Variants in GRIN2A observed in about 807,000 individuals in gnomAD.
The protein encoded by GRIN2A is glutamate receptor ionotropic, NMDA 2A.
In GRIN2A, 22 loss-of-function variants were observed where a neutral mutation model predicts 113.4. That is an observed-to-expected ratio of 0.19 (90% confidence interval 0.14 to 0.28). GRIN2A has a LOEUF of 0.28. Among genes scored for constraint, GRIN2A ranks in the 10% least tolerant of loss-of-function variants. GRIN2A has a pLI of 1.00. For missense variants in GRIN2A, 1,502 were observed against 1,887.0 expected (o/e 0.80, Z 3.78); for synonymous variants, 827 against 738.4 (o/e 1.12, Z -1.94).
At chr16:10,037,382 C>G (rs12447252) in intron 2 of GRIN2A, 4 of 152,278 alleles carry the variant, frequency 2.6e-5, no homozygotes, top group Admixed American at 2.6e-4. Flanking sequence ...CGCTTGCATG[C>G]ACTAACAGCC....
chr16:9,933,364 A>G (rs1055887190), intron 3 of GRIN2A, among the ~76,000 whole-genome samples: 3 of 152,144 alleles, frequency 2.0e-5, no homozygotes, highest in Non-Finnish European at 1.5e-5. Context: ...GAGATTATAA[A>G]TAAAGTCCAT....
In GRIN2A at chr16:10,044,022, T is replaced by TATATATATAG. The variant is rs531659457; in HGVS notation, c.415-105472_415-105471insCTATATATAT. 3.3e-3 allele frequency among the ~76,000 whole-genome samples: 359 copies of TATATATATAG among 107,866 alleles called. 1 individual carries two copies. Among genetic ancestry groups the TATATATATAG allele is most frequent in the East Asian group, 0.01 (26 of 2,498 alleles). The allele number at this position is 107,866 out of a possible 152,430, so 70.8% of individuals were successfully genotyped here. On this transcript the variant is annotated intron_variant, in intron 2 of 12. Coordinates refer to ENST00000330684, the MANE Select transcript of GRIN2A (RefSeq NM_001134407.3). ...GTGTGTGTGTGTATATATATATATA[T>TATATATATAG]AGAGAGAGAGAGAGAGAGAGAGAGA...
intron 2 of GRIN2A, among the ~76,000 whole-genome samples, chr16:10,039,039 T>C (rs1007090479): frequency 6.6e-6 from 1 of 152,068 alleles, no homozygotes; most frequent in African/African-American, 2.4e-5. Context: ...CTTTAGCTCT[T>C]TCCCACATCA....
At chr16:10,014,946 T>TA (rs2046575050) in intron 2 of GRIN2A, among the ~76,000 whole-genome samples, 1 of 152,066 alleles carries the variant, frequency 6.6e-6, no homozygotes, top group Non-Finnish European at 1.5e-5. Context: ...AGAAGGTTGT[T>TA]ATAATCATTT....
rs375576947 is a variant in GRIN2A, at chr16:9,978,087, C to A, written c.415-39536G>T. On this transcript the variant is annotated intron_variant, in intron 2 of 12. Transcript: ENST00000330684. ...ACCTTTCTGAGCCTTTTCTTCCATG[C>A]AAAATGAGGCAGTTGGATGTTATAC... Among the ~76,000 whole-genome samples the A allele has an allele frequency of 2.0e-5, 3 of 152,178 alleles. No individual in the cohort carries two copies. In the East Asian group the frequency reaches 5.8e-4, roughly 29 times the overall value.
At chr16:9,979,268 G>C (rs1243919114) in intron 2 of GRIN2A, among the ~76,000 whole-genome samples, 3 of 152,134 alleles carry the variant, frequency 2.0e-5, no homozygotes, top group Non-Finnish European at 4.4e-5. Flanking sequence ...TAAGGAACAA[G>C]GAAGACAGTG....
rs73504616 is a variant in GRIN2A, at chr16:9,937,440, C to A, written c.1007+519G>T. ...TCCATGACGTGCTTATTTCACACTGCACGCCTGTGTCAAAACATCTCATGT... is the reference window on the plus strand; with the variant it reads ...TCCATGACGTGCTTATTTCACACTGAACGCCTGTGTCAAAACATCTCATGT... On this transcript the variant is annotated intron_variant, in intron 3 of 12. Transcript: ENST00000330684. Among the ~76,000 whole-genome samples, 1,405 of 152,246 alleles carry A rather than the reference C, an allele frequency of 9.2e-3. 19 individuals carry two copies. The highest frequency in any genetic ancestry group is 0.032 in the African/African-American group (1,341 of 41,534).
chr16:9,842,951 A>G (rs553861594), intron 5 of GRIN2A, among the ~76,000 whole-genome samples: 11 of 145,134 alleles, frequency 7.6e-5, no homozygotes, highest in Admixed American at 1.4e-4. Context: ...GAAAGAAAGA[A>G]AGAGAGAGAG....
intron 4 of GRIN2A, among the ~76,000 whole-genome samples, chr16:9,863,989 C>G (rs1197284126): frequency 1.3e-5 from 2 of 152,150 alleles, no homozygotes; most frequent in African/African-American, 4.8e-5. Context: ...GAAGGTTAAA[C>G]ACATAACATT....
intron 2 of GRIN2A, among the ~76,000 whole-genome samples, chr16:10,130,807 G>T (rs755828676): frequency 1.5e-4 from 23 of 152,268 alleles, no homozygotes; most frequent in Non-Finnish European, 2.6e-4. Context: ...GACTCAAGCA[G>T]GTCCCCAGGA....
At chr16:9,768,776 A>G (rs746326440) in intron 12 of GRIN2A, 75 bp downstream of exon 12, 35 of 943,998 alleles carry the variant, frequency 3.7e-5, no homozygotes, top group Non-Finnish European at 5.6e-5. Flanking sequence ...TGCAGACCCC[A>G]CTGAGACATC....
chr16:10,124,740 G>C (rs896460670), intron 2 of GRIN2A, among the ~76,000 whole-genome samples: 6 of 152,126 alleles, frequency 3.9e-5, no homozygotes, highest in African/African-American at 1.4e-4. Context: ...ACAGAGCAGA[G>C]GCCCCACTCT....
intron 2 of GRIN2A, among the ~76,000 whole-genome samples, chr16:10,026,610 A>G (rs1321724823): frequency 7.2e-6 from 1 of 139,680 alleles, no homozygotes; most frequent in African/African-American, 3.0e-5. Context: ...AAGAACATGG[A>G]TCTGCTCCAT....
At chr16:9,779,948 T>C (rs1167561424) in intron 11 of GRIN2A, among the ~76,000 whole-genome samples, 1 of 152,204 alleles carries the variant, frequency 6.6e-6, no homozygotes, top group East Asian at 1.9e-4. Context: ...GTACTGACAT[T>C]AAATCTGAGG....
chr16:10,100,911 T>G (rs1339121712), intron 2 of GRIN2A, among the ~76,000 whole-genome samples: 2 of 152,194 alleles, frequency 1.3e-5, no homozygotes, highest in Non-Finnish European at 2.9e-5. Context: ...TCTCCAGGTG[T>G]GACTTCCATG....
At chr16:10,055,090 A>AAAAAAAAAAAAAAAAAAAAAAAAAAAC (rs2047431030) in intron 2 of GRIN2A, among the ~76,000 whole-genome samples, 1 of 76,554 alleles carries the variant, frequency 1.3e-5, no homozygotes, top group Non-Finnish European at 2.4e-5. Context: ...AAAAAAGAAA[A>AAAAAAAAAAAAAAAAAAAAAAAAAAAC]AAGAAAGAAA....
At chr16:9,843,687 T>A (rs1285133555) in intron 5 of GRIN2A, among the ~76,000 whole-genome samples, 1 of 152,200 alleles carries the variant, frequency 6.6e-6, no homozygotes, top group Non-Finnish European at 1.5e-5. Flanking sequence ...ATAGAGACTT[T>A]ACTCTCTTGC....
intron 2 of GRIN2A, among the ~76,000 whole-genome samples, chr16:10,025,112 A>G (rs1242327681): frequency 6.6e-6 from 1 of 151,892 alleles, no homozygotes; most frequent in Non-Finnish European, 1.5e-5. Context: ...GAAAGAAGAG[A>G]GGAATGAGTA....
intron 2 of GRIN2A, among the ~76,000 whole-genome samples, chr16:10,105,204 T>A (rs1247520153): frequency 6.6e-6 from 1 of 152,050 alleles, no homozygotes; most frequent in African/African-American, 2.4e-5. Context: ...ACAAAAAGCC[T>A]AAGGATCCTC....
Sources: gnomAD v4.1 joint callset for allele counts (sites outside exome capture counted in the v4.1 genomes callset) on GRCh38, gnomAD v4.1.1 for gene constraint, MANE v1.5 for transcripts, NCBI Gene and HGNC (gene_info 2026-07-23, HGNC 2026-07-21) for gene names.